POLE: variants seen among roughly 807,000 people sequenced by gnomAD.
The protein encoded by POLE is DNA polymerase epsilon catalytic subunit A.
A neutral mutation model predicts 279.2 loss-of-function variants in POLE; 188 were observed. The observed-to-expected ratio is 0.67, with a 90% CI of 0.60 to 0.76. POLE has a LOEUF of 0.76. POLE is among the 30% of genes least tolerant of loss of function. The pLI, the probability that POLE is intolerant of heterozygous loss-of-function variation, is 0.00. For missense variants in POLE, 2,703 were observed against 3,016.7 expected (o/e 0.90, Z 2.44); for synonymous variants, 1,214 against 1,172.5 (o/e 1.04, Z -0.72).
rs1211013221 is a variant in POLE, at chr12:132,673,679, C to A, written c.1255G>T (p.Val419Leu). The change falls in exon 13 of 49, where the codon GTG becomes TTG. Residue 419 changes from valine (V) to leucine (L), a missense_variant. Around this residue, in one of 5 missense-constraint regions of POLE, gnomAD observed 1,011 missense variants for 1,111.7 expected, o/e 0.91. Coordinates refer to ENST00000320574, the MANE Select transcript of POLE (RefSeq NM_006231.4). ...RWVKRDSYLP[V>L]GSHNLKAAAK... ...GCCGCCTTGAGATTATGACTGCCCA[C>A]AGGAAGGTAACTGTCCCTCTTCACC... 6.2e-7 allele frequency: 1 copy of A among 1,614,026 alleles called. No homozygotes were observed. The highest frequency in any genetic ancestry group is 8.5e-7 in the Non-Finnish European group (1 of 1,180,012).
intron 1 of POLE, among the ~76,000 whole-genome samples, chr12:132,682,224 G>A (rs1450910298): frequency 1.3e-5 from 2 of 151,810 alleles, no homozygotes; most frequent in Admixed American, 6.6e-5. Context: ...AACCCAGGAG[G>A]TGGAGCTTGC....
chr12:132,649,166 G>A (rs1593749218), intron 31 of POLE, 94 bp from the exon 32 acceptor site: 1 of 1,515,860 alleles, frequency 6.6e-7, no homozygotes, highest in South Asian at 1.2e-5. Context: ...CCCAGCACAG[G>A]GCCTTAGGCC....
At chr12:132,672,486 G>T (rs1051211162) in intron 15 of POLE, 141 bp downstream of exon 15, 1 of 1,070,198 alleles carries the variant, frequency 9.3e-7, no homozygotes, top group African/African-American at 1.6e-5. Context: ...CCCCCGGGGG[G>T]TGCTGGGCCA....
intron 32 of POLE, among the ~76,000 whole-genome samples, chr12:132,648,065 G>A (rs976690165): frequency 8.5e-5 from 13 of 152,164 alleles, no homozygotes; most frequent in Non-Finnish European, 1.8e-4. Context: ...CAAGAAATGT[G>A]CTGAGCCGAC....
Position 132,681,217 on chromosome 12 carries a change from T to G in POLE, c.125A>C (p.Asp42Ala), listed in dbSNP as rs749886101. 3 of 1,614,214 alleles carry G rather than the reference T, an allele frequency of 1.9e-6. No homozygotes were observed. The change falls in exon 2 of 49, where the codon GAT (aspartate) becomes GCT (alanine). Residue 42 changes from aspartate (D) to alanine (A), a missense_variant. Coordinates refer to ENST00000320574, the MANE Select transcript of POLE (RefSeq NM_006231.4). ...LKRLERSQWT[D>A]KMDLRFGFER... ...AAAACCAAACCGCAAATCCATCTTATCCGTCCACTGACTCCGTTCCAGGCG... is the reference window on the plus strand; with the variant it reads ...AAAACCAAACCGCAAATCCATCTTAGCCGTCCACTGACTCCGTTCCAGGCG...
At chr12:132,685,714 T>C (rs1028814372) in intron 1 of POLE, among the ~76,000 whole-genome samples, 1 of 152,138 alleles carries the variant, frequency 6.6e-6, no homozygotes, top group Non-Finnish European at 1.5e-5. Context: ...CAACACACCA[T>C]GTAGACCCTA....
rs768950827 is a variant in POLE, at chr12:132,665,283, C to G, written c.2468+19G>C. On this transcript the variant is annotated intron_variant, in intron 21 of 48. Transcript: ENST00000320574. ...ATCCATTCCTCCCATAAGCCTCTCC[C>G]GGGCCCGGGCCCACCTACCCCTTGC... is the stretch of plus-strand genomic sequence containing the variant. 2 of 1,609,528 alleles carry G rather than the reference C, an allele frequency of 1.2e-6. No homozygotes were observed. The highest frequency in any genetic ancestry group is 8.5e-7 in the Non-Finnish European group (1 of 1,176,576).
chr12:132,625,538 G>C, intron 47 of POLE, 107 bp downstream of exon 47: 1 of 1,415,050 alleles, frequency 7.1e-7, no homozygotes, highest in Non-Finnish European at 9.8e-7. Context: ...CCCCTTGGAA[G>C]ACACCAGGGC....
In POLE at chr12:132,668,523, G is replaced by A. The variant is rs201730412; in HGVS notation, c.2027-21C>T. 128 of 1,580,990 alleles carry A rather than the reference G, an allele frequency of 8.1e-5. No homozygotes were observed. The African/African-American group carries it at 1.2e-3, about 14-fold the overall frequency. ...TGGCACTGGGAAGGAGGCAATGGGG[G>A]CAAGTTCAAAAGGAGGCACAGACAC... is the stretch of plus-strand genomic sequence containing the variant. On this transcript the variant is annotated intron_variant, in intron 18 of 48. Transcript: ENST00000320574. The surrounding 1 kb of genome is among the most constrained non-coding windows in gnomAD (Gnocchi z 4.0).
In POLE at chr12:132,637,939, C is replaced by G. The variant is rs998586609; in HGVS notation, c.5678+75G>C. On this transcript the variant is annotated intron_variant, in intron 41 of 48. Coordinates refer to ENST00000320574, the MANE Select transcript of POLE (RefSeq NM_006231.4). ...CCTCCCAGCCCACCCAGGAGGAGAG[C>G]TGGCACCTCAGGGGGTCATTTTAGC... is the stretch of plus-strand genomic sequence containing the variant. The G allele has an allele frequency of 1.9e-6, 3 of 1,547,322 alleles. No homozygotes were observed. The African/African-American group carries it at 4.1e-5, about 21-fold the overall frequency.
In POLE at chr12:132,672,225, T is replaced by C. The variant is rs969500436; in HGVS notation, c.1784A>G (p.Asn595Ser). The change falls in exon 16 of 49, where the codon AAC becomes AGC. Residue 595 changes from asparagine to serine, a missense_variant. This residue lies in a region of POLE where 1,011 missense variants were observed against 1,111.7 expected (regional missense o/e 0.91). Coordinates refer to ENST00000320574, the MANE Select transcript of POLE (RefSeq NM_006231.4). ...EEKVPVEQVT[N>S]FEEVCDEIKS... ...CTCCCTGATGGTTACCTCTTCAAAG[T>C]TGGTGACTTGCTCCACAGGCACTTT... 2.5e-6 allele frequency: 4 copies of C among 1,613,064 alleles called. No homozygotes were observed. Among genetic ancestry groups the C allele is most frequent in the Non-Finnish European group, 3.4e-6 (4 of 1,179,018 alleles).
intron 32 of POLE, 38 bp from the exon 33 acceptor site, chr12:132,644,015 A>C: frequency 6.2e-7 from 1 of 1,601,172 alleles, no homozygotes; most frequent in Non-Finnish European, 8.5e-7. Context: ...CACTGGGCGT[A>C]AGTGGTAATG....
chr12:132,663,953 G>A (rs1301826868), intron 23 of POLE, 51 bp downstream of exon 23: 1 of 1,602,122 alleles, frequency 6.2e-7, no homozygotes, highest in Non-Finnish European at 8.5e-7. Flanking sequence ...TGACATCAGG[G>A]CACTGACGCC....
rs751257970 is a variant in POLE, at chr12:132,649,087, G to T, written c.4006-15C>A. 12 of 1,608,708 alleles carry T rather than the reference G, an allele frequency of 7.5e-6. No individual in the cohort carries two copies. Among genetic ancestry groups the T allele is most frequent in the Non-Finnish European group, 1.0e-5 (12 of 1,178,460 alleles). On this transcript the variant is annotated splice_polypyrimidine_tract_variant and intron_variant, in intron 31 of 48. Coordinates refer to ENST00000320574, the MANE Select transcript of POLE (RefSeq NM_006231.4). The stretch of plus-strand genomic sequence containing the variant: ...GTCTCGCTGATCTGAAAGGCCACAC[G>T]GACATACAGCACATCACAGGACACA...
At chr12:132,626,846 G>C (rs1429001825) in intron 45 of POLE, among the ~76,000 whole-genome samples, 1 of 152,218 alleles carries the variant, frequency 6.6e-6, no homozygotes, top group Non-Finnish European at 1.5e-5. Context: ...GAATACAAGC[G>C]TATCTTGGAG....
In POLE at chr12:132,638,097, G is replaced by A. The variant is rs370958363; in HGVS notation, c.5595C>T (p.Tyr1865=). The A allele has an allele frequency of 2.0e-5, 32 of 1,613,930 alleles. No individual in the cohort carries two copies. The highest frequency in any genetic ancestry group is 5.0e-5 in the Admixed American group (3 of 59,988). The stretch of plus-strand genomic sequence containing the variant: ...AGAGGATGATGCGGTTGAAGTTGGC[G>A]TAGATGACTGATGACCCCAGGCGCT... The part of the protein sequence containing the change: ...EFKRLGSSVI[Y]ANFNRIILCT... Residue 1865 remains tyrosine, a synonymous_variant, in exon 41 of 49, where the codon TAC becomes TAT. Coordinates refer to ENST00000320574, the MANE Select transcript of POLE (RefSeq NM_006231.4).
At position 132,664,577 on chromosome 12, in the gene POLE, A is replaced by T; in HGVS notation, c.2469-115T>A. ...GAGATGCGACAGGGACAAGGGAAGC[A>T]GCCAAATGTGCGTGCACCAGGACAG... On this transcript the variant is annotated intron_variant, in intron 21 of 48. Transcript: ENST00000320574. This position sits in a 1 kb window ranked among gnomAD's most constrained non-coding sequence, Gnocchi z 5.3. The T allele has an allele frequency of 1.3e-6, 1 of 775,196 alleles. No individual in the cohort carries two copies. The highest frequency in any genetic ancestry group is 2.6e-5 in the East Asian group (1 of 37,924). The allele number at this position is 775,196 out of a possible 1,614,324, so 48.0% of individuals were successfully genotyped here.
chr12:132,668,333 C>A lies in POLE; in HGVS notation c.2173+23G>T, dbSNP rs141477185. On this transcript the variant is annotated intron_variant, in intron 19 of 48. Transcript: ENST00000320574. The surrounding 1 kb of genome is among the most constrained non-coding windows in gnomAD (Gnocchi z 4.0). ...GGAGCAGGAGCCACATCTTTACAGC[C>A]GTGACCATGCCCAGGCACTCACCCG... 465 of 1,545,548 alleles carry A rather than the reference C, an allele frequency of 3.0e-4. 2 individuals carry two copies. The African/African-American group carries it at 5.6e-3, about 19-fold the overall frequency.
intron 41 of POLE, among the ~76,000 whole-genome samples, chr12:132,636,281 T>C (rs1469096108): frequency 6.6e-6 from 1 of 151,798 alleles, no homozygotes; most frequent in Non-Finnish European, 1.5e-5. Flanking sequence ...CCACAGGGTG[T>C]TCTGCCTCTG....
Sources: allele counts gnomAD v4.1 joint callset (sites outside exome capture counted in the v4.1 genomes callset), GRCh38; gene constraint gnomAD v4.1.1; regional missense constraint gnomAD v4.1.1; non-coding constraint Gnocchi (gnomAD v3.1); transcripts MANE v1.5; gene names NCBI Gene and HGNC (gene_info 2026-07-23, HGNC 2026-07-21).